ADGRL2: variants seen among roughly 807,000 people sequenced by gnomAD.
ADGRL2 encodes the protein calcium-independent alpha-latrotoxin receptor 2.
In ADGRL2, 44 loss-of-function variants were observed where a neutral mutation model predicts 157.4. The ratio of observed to expected loss-of-function variants is 0.28; its 90% CI spans 0.22 to 0.36. ADGRL2 has a LOEUF of 0.36. Ranked by LOEUF, ADGRL2 falls within the 10% of genes least tolerant of loss-of-function variation. The probability of loss-of-function intolerance (pLI) is 1.00; values close to 1 mark genes in which losing one functional copy is unlikely to be tolerated. For missense variants in ADGRL2, 1,510 were observed against 1,768.9 expected (o/e 0.85, Z 2.63); for synonymous variants, 585 against 624.7 (o/e 0.94, Z 0.95).
chr1:81,658,178 C>T (rs1389595237), intron 3 of ADGRL2, among the ~76,000 whole-genome samples: 1 of 152,308 alleles, frequency 6.6e-6, no homozygotes, highest in African/African-American at 2.4e-5. Context: ...TCACTGCAAC[C>T]TCTGCCTCCC....
At chr1:81,392,227 C>CAAA (rs35544082) in intron 1 of ADGRL2, among the ~76,000 whole-genome samples, 20 of 147,152 alleles carry the variant, frequency 1.4e-4, no homozygotes, top group African/African-American at 4.0e-4. Flanking sequence ...CCCATCCCCA[C>CAAA]AAAAAAAAAA....
intron 3 of ADGRL2, chr1:81,596,263 T>TC: frequency 1.7e-6 from 1 of 576,790 alleles, no homozygotes. Flanking sequence ...TGGATTCTCA[T>TC]CCCGAAATGA....
At chr1:81,961,539 C>A (rs1487232880) in intron 11 of ADGRL2, among the ~76,000 whole-genome samples, 10 of 121,320 alleles carry the variant, frequency 8.2e-5, no homozygotes, top group African/African-American at 2.9e-4. Context: ...CGGAGTTTTG[C>A]TCTTGTCGTC....
intron 3 of ADGRL2, among the ~76,000 whole-genome samples, chr1:81,588,601 G>A (rs2081072208): frequency 6.6e-6 from 1 of 152,038 alleles, no homozygotes; most frequent in African/African-American, 2.4e-5. Flanking sequence ...TTGTCTGAAG[G>A]CATAAACCAC....
At chr1:81,467,992 AT>A (rs1205146836) in intron 2 of ADGRL2, among the ~76,000 whole-genome samples, 1 of 152,222 alleles carries the variant, frequency 6.6e-6, no homozygotes. Flanking sequence ...GACAATGGAT[AT>A]ATTCAGTTCC....
intron 23 of ADGRL2, chr1:81,990,114 C>A: frequency 1.0e-6 from 1 of 985,328 alleles, no homozygotes; most frequent in Non-Finnish European, 1.2e-6. Flanking sequence ...TGACCAAAAT[C>A]AATTAATCAG....
intron 2 of ADGRL2, among the ~76,000 whole-genome samples, chr1:81,772,399 A>C (rs941887937): frequency 5.9e-5 from 9 of 152,024 alleles, no homozygotes; most frequent in African/African-American, 1.4e-4. Flanking sequence ...TCTAATTATG[A>C]CATTTATGTA....
At chr1:81,572,900 G>A (rs1041966097) in intron 2 of ADGRL2, among the ~76,000 whole-genome samples, 4 of 150,780 alleles carry the variant, frequency 2.7e-5, no homozygotes, top group Admixed American at 1.3e-4. Context: ...TAAAGAAAGT[G>A]TCACTTAATA....
chr1:81,498,087 T>C (rs1417669268), intron 2 of ADGRL2, among the ~76,000 whole-genome samples: 2 of 152,212 alleles, frequency 1.3e-5, no homozygotes, highest in African/African-American at 2.4e-5. Flanking sequence ...ACCCTCATTA[T>C]GAATGAGCTA....
chr1:81,548,019 T>A (rs1410325989), intron 2 of ADGRL2, among the ~76,000 whole-genome samples: 1 of 152,136 alleles, frequency 6.6e-6, no homozygotes, highest in Non-Finnish European at 1.5e-5. Flanking sequence ...GCGTAGAAAA[T>A]CAAGTCTCAG....
At chr1:81,802,158 T>C (rs2088289011) in intron 1 of ADGRL2, among the ~76,000 whole-genome samples, 1 of 151,440 alleles carries the variant, frequency 6.6e-6, no homozygotes, top group Non-Finnish European at 1.5e-5. Flanking sequence ...GGGTAGCCGC[T>C]GCCCTCCGCG....
At chr1:81,676,272 G>C (rs1232391207) in intron 3 of ADGRL2, among the ~76,000 whole-genome samples, 1 of 152,034 alleles carries the variant, frequency 6.6e-6, no homozygotes, top group African/African-American at 2.4e-5. Flanking sequence ...GCCTCCCAAA[G>C]TGCTGGGCTT....
At chr1:81,650,219 A>G (rs2082387480) in intron 3 of ADGRL2, among the ~76,000 whole-genome samples, 1 of 152,244 alleles carries the variant, frequency 6.6e-6, no homozygotes, top group African/African-American at 2.4e-5. Flanking sequence ...TGAATGATTG[A>G]CTTTTGCTTG....
intron 3 of ADGRL2, among the ~76,000 whole-genome samples, chr1:81,589,967 C>G (rs1489450001): frequency 2.0e-5 from 3 of 152,182 alleles, no homozygotes; most frequent in Non-Finnish European, 1.5e-5. Flanking sequence ...TTTCCTGACA[C>G]TTACATGACC....
At chr1:81,586,135 C>T (rs1214320314) in intron 3 of ADGRL2, 1 of 151,594 alleles carries the variant, frequency 6.6e-6, no homozygotes, top group Admixed American at 6.6e-5. Context: ...GTCTTGTTTC[C>T]AATTTTAGGC....
chr1:81,982,081 G>A (rs1424850825), intron 19 of ADGRL2, 105 bp downstream of exon 19: 1 of 925,160 alleles, frequency 1.1e-6, no homozygotes, highest in Non-Finnish European at 1.6e-6. Context: ...TATTGTTAAA[G>A]AGCATTATAT....
intron 1 of ADGRL2, among the ~76,000 whole-genome samples, chr1:81,824,966 TC>T (rs1389088693): frequency 1.4e-5 from 2 of 140,730 alleles, no homozygotes; most frequent in Admixed American, 7.1e-5. Context: ...TCTCTCTCTC[TC>T]TCTCTCTCTC....
intron 2 of ADGRL2, among the ~76,000 whole-genome samples, chr1:81,563,893 T>C (rs902999321): frequency 3.3e-5 from 5 of 152,216 alleles, no homozygotes; most frequent in African/African-American, 1.2e-4. Flanking sequence ...TACTAGGTAC[T>C]AAATGTTTTG....
At chr1:81,448,568 G>A (rs2077645358) in intron 2 of ADGRL2, among the ~76,000 whole-genome samples, 1 of 151,968 alleles carries the variant, frequency 6.6e-6, no homozygotes, top group African/African-American at 2.4e-5. Flanking sequence ...CAGGTGTGGT[G>A]GCCTACCCCT....
Sources: allele counts gnomAD v4.1 joint callset (sites outside exome capture counted in the v4.1 genomes callset), GRCh38; gene constraint gnomAD v4.1.1; transcripts MANE v1.5; gene names NCBI Gene and HGNC (gene_info 2026-07-23, HGNC 2026-07-21).